The following TMEM175 variants were observed in gnomAD, a reference collection of about 807,000 sequenced individuals.
The protein encoded by TMEM175 is endosomal/lysosomal proton channel TMEM175.
In TMEM175, 36 loss-of-function variants were observed where a neutral mutation model predicts 36.5. The observed-to-expected ratio is 0.99, with a 90% CI of 0.76 to 1.30. TMEM175 has a LOEUF of 1.30. Ranked by LOEUF, TMEM175 falls within the 50% of genes most tolerant of loss-of-function variation. The probability of loss-of-function intolerance (pLI) is 0.00; values close to 1 mark genes in which losing one functional copy is unlikely to be tolerated. For missense variants in TMEM175, 705 were observed against 692.8 expected (o/e 1.02, Z -0.20); for synonymous variants, 339 against 313.4 (o/e 1.08, Z -0.86).
intron 1 of TMEM175, among the ~76,000 whole-genome samples, chr4:939,007 A>G (rs1485464169): frequency 6.6e-6 from 1 of 152,210 alleles, no homozygotes; most frequent in Non-Finnish European, 1.5e-5. Context: ...AGTAATCAAA[A>G]CTGTGGTGGC....
rs1430267819 is a variant in TMEM175 at position 932,916 on chromosome 4, G to A, written c.-32+376G>A. 6.6e-6 allele frequency among the ~76,000 whole-genome samples: 1 copy of A among 152,244 alleles called. No individual in the cohort carries two copies. The highest frequency in any genetic ancestry group is 1.5e-5 in the Non-Finnish European group (1 of 68,044). ...GAGGGCCAGGGTCTGGCCTGGGGCA[G>A]TGACCAGTAGTGGGAGCCGTGGGCT... On this transcript the variant is annotated intron_variant, in intron 1 of 10. Coordinates refer to ENST00000264771, the MANE Select transcript of TMEM175 (RefSeq NM_032326.4). This position sits in a 1 kb window ranked among gnomAD's most constrained non-coding sequence, Gnocchi z 4.0.
rs767894297 is a variant in TMEM175 at position 957,862 on chromosome 4, G to C, written c.881G>C (p.Arg294Thr). The C allele has an allele frequency of 6.2e-7, 1 of 1,612,446 alleles. No individual in the cohort carries two copies. Among genetic ancestry groups the C allele is most frequent in the South Asian group, 1.1e-5 (1 of 91,000 alleles). Reference sequence around the variant, plus strand: ...CCGGACCCCAAGGATGTGAAGGAGAGGTTCAGCGGCAGCCTCGTGGCCGCC... The same window carrying C: ...CCGGACCCCAAGGATGTGAAGGAGACGTTCAGCGGCAGCCTCGTGGCCGCC... The part of the protein sequence containing the change: ...NVPDPKDVKE[R>T]FSGSLVAALS... The change falls in exon 11 of 11, where the codon AGG (arginine) becomes ACG (threonine). Residue 294 changes from arginine (R) to threonine (T), a missense_variant. Arg to Thr is a moderately conservative substitution (Grantham distance 71). Coordinates refer to ENST00000264771, the MANE Select transcript of TMEM175 (RefSeq NM_032326.4).
In TMEM175 at chr4:951,866, G is replaced by A. The variant is rs553247085; in HGVS notation, c.378+149G>A. 7 of 799,744 alleles carry A rather than the reference G, an allele frequency of 8.8e-6. No homozygotes were observed. In the African/African-American group the frequency reaches 1.2e-4, roughly 14 times the overall value. 49.5% of individuals were successfully genotyped at this position (799,744 alleles called of 1,614,324 possible). A position where few individuals can be genotyped will look rare whatever the true frequency, so the allele number is the denominator to read the frequency against. ...AAGGTTCTGGGGAGAGCCAGCTGTT[G>A]GGCTGTTGGGGGCTTCTTTCAGGCT... On this transcript the variant is annotated intron_variant, in intron 6 of 10. Transcript: ENST00000264771.
At chr4:943,790 C>T (rs918754173) in intron 1 of TMEM175, among the ~76,000 whole-genome samples, 1 of 152,182 alleles carries the variant, frequency 6.6e-6, no homozygotes, top group Non-Finnish European at 1.5e-5. Flanking sequence ...TATATAGTGG[C>T]TTTATTCATA....
intron 1 of TMEM175, chr4:945,942 C>G (rs1337933225): frequency 6.6e-6 from 1 of 152,226 alleles, no homozygotes; most frequent in African/African-American, 2.4e-5. Flanking sequence ...TAACACGGCT[C>G]AATCCGAGGT....
chr4:933,171 G>A (rs1242955115), intron 1 of TMEM175, among the ~76,000 whole-genome samples: 1 of 152,172 alleles, frequency 6.6e-6, no homozygotes, highest in Non-Finnish European at 1.5e-5. Flanking sequence ...ACAGTATTTG[G>A]GGGTTGGGAG....
chr4:940,468 A>AT (rs1553904271), intron 1 of TMEM175, among the ~76,000 whole-genome samples: 1 of 150,076 alleles, frequency 6.7e-6, no homozygotes, highest in African/African-American at 2.5e-5. Flanking sequence ...AAAAAAAAAA[A>AT]GCAGTAGTTG....
intron 9 of TMEM175, 95 bp from the exon 10 acceptor site, chr4:955,660 C>T: frequency 6.5e-7 from 1 of 1,532,292 alleles, no homozygotes; most frequent in Non-Finnish European, 8.8e-7. Flanking sequence ...CCTGCACATT[C>T]CAGGCCTCTT....
chr4:934,980 C>T (rs1293021777), intron 1 of TMEM175, among the ~76,000 whole-genome samples: 1 of 152,166 alleles, frequency 6.6e-6, no homozygotes, highest in Non-Finnish European at 1.5e-5. Context: ...GAAAGAAAAA[C>T]ATCAACTGAA....
Position 940,947 on chromosome 4 carries a change from A to G in TMEM175, c.-31-6762A>G, listed in dbSNP as rs546219377. Among the ~76,000 whole-genome samples the G allele has an allele frequency of 1.2e-4, 18 of 151,700 alleles. No homozygotes were observed. In the East Asian group the frequency reaches 2.9e-3, roughly 24 times the overall value. ...CTTGAACCCAGGAGTCGGAGGTTGC[A>G]GTGAGCCAAGATTGTGCCACTGCAC... On this transcript the variant is annotated intron_variant, in intron 1 of 10. Coordinates refer to ENST00000264771, the MANE Select transcript of TMEM175 (RefSeq NM_032326.4).
intron 10 of TMEM175, chr4:956,443 GT>G (rs748261443): frequency 0.053 from 62,420 of 1,170,454 alleles, 7 homozygotes; most frequent in Middle Eastern, 0.097. Context: ...TTTTTGTGGG[GT>G]TTTTTTTTTT....
chr4:937,157 T>C (rs1260017254), intron 1 of TMEM175, among the ~76,000 whole-genome samples: 1 of 152,148 alleles, frequency 6.6e-6, no homozygotes, highest in Non-Finnish European at 1.5e-5. Context: ...ACACCTACTA[T>C]ATACCTATAA....
chr4:949,063 G>A (rs1042649203), intron 3 of TMEM175, among the ~76,000 whole-genome samples: 1 of 152,196 alleles, frequency 6.6e-6, no homozygotes, highest in Admixed American at 6.5e-5. Flanking sequence ...CCCTCCCTAG[G>A]GGGGCAGCTG....
chr4:957,231 A>C (rs185416205), intron 10 of TMEM175, among the ~76,000 whole-genome samples: 63 of 150,894 alleles, frequency 4.2e-4, no homozygotes, highest in African/African-American at 1.3e-3. Context: ...CTGGGGCTGC[A>C]TGAGGACCAC....
At chr4:955,530 C>A in intron 9 of TMEM175, 47 bp downstream of exon 9, 1 of 1,573,244 alleles carries the variant, frequency 6.4e-7, no homozygotes, top group South Asian at 1.1e-5. Context: ...GTAGTCCGCC[C>A]ACCTCCGTGC....
rs1711533550 is a variant in TMEM175 at position 958,388 on chromosome 4, C to T, written c.1407C>T (p.Ala469=). 6.2e-7 allele frequency: 1 copy of T among 1,601,714 alleles called. No individual in the cohort carries two copies. The highest frequency in any genetic ancestry group is 8.5e-7 in the Non-Finnish European group (1 of 1,179,636). The part of the protein sequence containing the change: ...FLLLRLLVGL[A]LATLRVLRGL... ...TGCTGCGCCTGCTCGTGGGCCTGGC[C>T]CTGGCCACCCTGCGGGTCCTGCGGG... The change falls in exon 11 of 11, where the codon GCC becomes GCT. Residue 469 remains alanine (A), a synonymous_variant. Coordinates refer to ENST00000264771, the MANE Select transcript of TMEM175 (RefSeq NM_032326.4).
At chr4:954,648 G>A (rs1729389793) in intron 8 of TMEM175, among the ~76,000 whole-genome samples, 1 of 152,188 alleles carries the variant, frequency 6.6e-6, no homozygotes. Context: ...CTGTTGGTGT[G>A]TGTGCCCACA....
Position 952,432 on chromosome 4 carries a change from C to A in TMEM175, c.444C>A (p.Ile148=), listed in dbSNP as rs138134500. ...LGIFLFCVCV[I]AIGVVQALIV... is the part of the protein sequence containing the mutation. ...TCTTCTTGTTCTGTGTGTGTGTGATCGCCATTGGGGTCGTGCAGGTAGGGG... is the reference window on the plus strand; with the variant it reads ...TCTTCTTGTTCTGTGTGTGTGTGATAGCCATTGGGGTCGTGCAGGTAGGGG... Residue 148 remains isoleucine (I), a synonymous_variant, in exon 7 of 11, where the codon ATC becomes ATA. Transcript: ENST00000264771. 1.3e-4 allele frequency: 214 copies of A among 1,601,082 alleles called. 1 individual carries two copies. The highest frequency in any genetic ancestry group is 1.8e-4 in the Non-Finnish European group (207 of 1,176,332).
intron 5 of TMEM175, 113 bp downstream of exon 5, chr4:951,371 G>A: frequency 8.1e-7 from 1 of 1,239,156 alleles, no homozygotes; most frequent in South Asian, 1.2e-5. Context: ...GAGTCTCGGA[G>A]CCTGGAATCT....
Sources: gnomAD v4.1 joint callset for allele counts (sites outside exome capture counted in the v4.1 genomes callset) on GRCh38, gnomAD v4.1.1 for gene constraint, Gnocchi (gnomAD v3.1) non-coding constraint, MANE v1.5 for transcripts, NCBI Gene and HGNC (gene_info 2026-07-23, HGNC 2026-07-21) for gene names.